CCSER1: variants seen among roughly 807,000 people sequenced by gnomAD.
CCSER1 encodes the protein serine-rich coiled-coil domain-containing protein 1.
In CCSER1, 41 loss-of-function variants were observed where a neutral mutation model predicts 82.0. The ratio of observed to expected loss-of-function variants is 0.50; its 90% CI spans 0.39 to 0.65. CCSER1 has a LOEUF of 0.65. Ranked by LOEUF, CCSER1 falls within the 30% of genes least tolerant of loss-of-function variation. The probability of loss-of-function intolerance (pLI) is 0.00; values close to 1 mark genes in which losing one functional copy is unlikely to be tolerated. For synonymous variants in CCSER1, 414 were observed against 383.9 expected (o/e 1.08, Z -0.92); for missense variants, 1,119 against 1,064.2 (o/e 1.05, Z -0.72).
intron 10 of CCSER1, among the ~76,000 whole-genome samples, chr4:91,125,924 T>C (rs1727471917): frequency 2.0e-5 from 3 of 151,638 alleles, no homozygotes; most frequent in Admixed American, 2.0e-4. Context: ...AATCCAAGAA[T>C]ATATTAAATA....
chr4:91,464,715 G>A (rs753903491), intron 10 of CCSER1, among the ~76,000 whole-genome samples: 99 of 152,172 alleles, frequency 6.5e-4, no homozygotes, highest in Non-Finnish European at 1.3e-3. Context: ...CTAGTCCCTG[G>A]TAAAACAGAC....
chr4:90,555,550 C>A (rs1365908035), intron 5 of CCSER1, among the ~76,000 whole-genome samples: 1 of 151,998 alleles, frequency 6.6e-6, no homozygotes, highest in East Asian at 1.9e-4. Flanking sequence ...TCTCAAATAA[C>A]TCTTTAATTT....
intron 1 of CCSER1, among the ~76,000 whole-genome samples, chr4:90,210,968 T>TGTTTA: frequency 6.6e-6 from 1 of 152,172 alleles, no homozygotes; most frequent in Middle Eastern, 3.4e-3. Context: ...ATGTGATTTT[T>TGTTTA]GTTTATTTCA....
intron 10 of CCSER1, among the ~76,000 whole-genome samples, chr4:91,276,856 A>G (rs1581890557): frequency 6.6e-6 from 1 of 152,104 alleles, no homozygotes; most frequent in East Asian, 1.9e-4. Flanking sequence ...TTGAGTTTTT[A>G]TCATAAAGGA....
At chr4:90,506,947 T>C (rs1770785854) in intron 5 of CCSER1, among the ~76,000 whole-genome samples, 1 of 152,172 alleles carries the variant, frequency 6.6e-6, no homozygotes, top group South Asian at 2.1e-4. Context: ...AAAAAATAAA[T>C]GAATAGATTT....
At chr4:90,768,888 G>A (rs1419700603) in intron 7 of CCSER1, among the ~76,000 whole-genome samples, 1 of 152,266 alleles carries the variant, frequency 6.6e-6, no homozygotes, top group Middle Eastern at 3.4e-3. Context: ...AACCAAAGAG[G>A]AGCCAGTACT....
chr4:91,210,559 C>T (rs1264272151), intron 10 of CCSER1, among the ~76,000 whole-genome samples: 3 of 150,684 alleles, frequency 2.0e-5, no homozygotes, highest in Non-Finnish European at 4.4e-5. Context: ...TTTTTTAATA[C>T]TCCTTCCAAA....
intron 8 of CCSER1, among the ~76,000 whole-genome samples, chr4:90,895,338 T>C (rs886888168): frequency 8.6e-5 from 13 of 151,948 alleles, no homozygotes; most frequent in East Asian, 5.8e-4. Context: ...GGTAGGCATA[T>C]ATTTTTATCA....
chr4:91,055,326 A>T (rs1251568919), intron 9 of CCSER1, among the ~76,000 whole-genome samples: 3 of 152,182 alleles, frequency 2.0e-5, no homozygotes, highest in Admixed American at 6.6e-5. Context: ...TAACATTTCA[A>T]TACATGTGTA....
intron 5 of CCSER1, among the ~76,000 whole-genome samples, chr4:90,623,313 C>T (rs370374199): frequency 4.0e-5 from 6 of 151,850 alleles, no homozygotes; most frequent in East Asian, 3.9e-4. Flanking sequence ...GGATTACAGG[C>T]GTGAGCCACT....
chr4:91,376,902 C>CCCCTCTA lies in CCSER1; in HGVS notation c.2218-221667_2218-221666insTCTACCC, dbSNP rs1553930093. Among the ~76,000 whole-genome samples the CCCCTCTA allele has an allele frequency of 1.4e-5, 2 of 142,672 alleles. 1 individual carries two copies. The allele number at this position is 142,672 out of a possible 152,430, so 93.6% of individuals were successfully genotyped here. On this transcript the variant is annotated intron_variant, in intron 10 of 10. Coordinates refer to ENST00000509176, the MANE Select transcript of CCSER1 (RefSeq NM_001145065.2). The stretch of plus-strand genomic sequence containing the variant: ...AGGTATATCTCCTAATACTATCCCT[C>CCCCTCTA]CCCCCACCCAGGACAGGCCCCAGTG...
At chr4:90,319,933 A>G (rs183710550) in intron 3 of CCSER1, among the ~76,000 whole-genome samples, 87 of 152,352 alleles carry the variant, frequency 5.7e-4, no homozygotes, top group African/African-American at 2.0e-3. Context: ...AATCACAAGT[A>G]TCACTCATTA....
chr4:91,284,626 C>T (rs1310873160), intron 10 of CCSER1, among the ~76,000 whole-genome samples: 1 of 152,074 alleles, frequency 6.6e-6, no homozygotes, highest in Non-Finnish European at 1.5e-5. Flanking sequence ...ATTGCCCATT[C>T]CATCCATGTC....
chr4:91,418,947 A>C (rs1173609264), intron 10 of CCSER1, among the ~76,000 whole-genome samples: 1 of 152,098 alleles, frequency 6.6e-6, no homozygotes, highest in African/African-American at 2.4e-5. Flanking sequence ...AACATACACA[A>C]ATCAATAAGT....
chr4:91,276,044 T>TCATGAGGGCATACATAGA (rs1742410536), intron 10 of CCSER1, among the ~76,000 whole-genome samples: 1 of 152,182 alleles, frequency 6.6e-6, no homozygotes, highest in Non-Finnish European at 1.5e-5. Context: ...AATACCATTC[T>TCATGAGGGCATACATAGA]ATTGTTATTA....
At chr4:90,207,812 G>GT (rs1396305086) in intron 1 of CCSER1, among the ~76,000 whole-genome samples, 1 of 152,196 alleles carries the variant, frequency 6.6e-6, no homozygotes, top group East Asian at 1.9e-4. Flanking sequence ...GTTTGCCTGC[G>GT]TATCAACAGT....
intron 6 of CCSER1, among the ~76,000 whole-genome samples, chr4:90,702,320 G>A (rs569714550): frequency 6.6e-6 from 1 of 152,288 alleles, no homozygotes; most frequent in South Asian, 2.1e-4. Context: ...CAGGGATGAA[G>A]CCCACTTGAT....
chr4:90,931,924 T>G, intron 9 of CCSER1, among the ~76,000 whole-genome samples: 1 of 152,294 alleles, frequency 6.6e-6, no homozygotes, highest in African/African-American at 2.4e-5. Context: ...ATTAATAGTG[T>G]TTCAAAATAA....
chr4:91,371,022 C>A (rs1750004634), intron 10 of CCSER1, among the ~76,000 whole-genome samples: 1 of 152,014 alleles, frequency 6.6e-6, no homozygotes, highest in Admixed American at 6.6e-5. Flanking sequence ...CCACCACACC[C>A]AGCTAATTTT....
Sources: gnomAD v4.1 joint callset for allele counts (sites outside exome capture counted in the v4.1 genomes callset) on GRCh38, gnomAD v4.1.1 for gene constraint, MANE v1.5 for transcripts, NCBI Gene and HGNC (gene_info 2026-07-23, HGNC 2026-07-21) for gene names.